Variants in KCNMB2 observed in about 807,000 individuals in gnomAD.
KCNMB2 encodes the protein calcium-activated potassium channel subunit beta-2.
KCNMB2 carries 9 observed loss-of-function variants against 24.5 expected under a neutral mutation model. The ratio of observed to expected loss-of-function variants is 0.37; its 90% CI spans 0.22 to 0.64. The LOEUF (loss-of-function observed/expected upper bound fraction) is 0.64, where lower values mean the gene tolerates loss of function less well. KCNMB2 is among the 30% of genes least tolerant of loss of function. KCNMB2 has a pLI of 0.63. For missense variants in KCNMB2, 226 were observed against 284.3 expected, an observed-to-expected ratio of 0.79 and a Z score of 1.47; for synonymous variants, 109 against 104.4, an observed-to-expected ratio of 1.04 and a Z score of -0.27.
At chr3:178,724,739 G>A (rs1435380522) in intron 1 of KCNMB2, among the ~76,000 whole-genome samples, 1 of 152,022 alleles carries the variant, frequency 6.6e-6, no homozygotes, top group African/African-American at 2.4e-5. Flanking sequence ...CAGTTTTCCA[G>A]CACCACTTAT....
intron 1 of KCNMB2, among the ~76,000 whole-genome samples, chr3:178,640,276 G>A (rs182911347): frequency 1.9e-4 from 29 of 152,126 alleles, no homozygotes; most frequent in Admixed American, 3.3e-4. Flanking sequence ...AGTTCCACAG[G>A]CTGTACAGGA....
intron 1 of KCNMB2, among the ~76,000 whole-genome samples, chr3:178,736,728 CTGAG>C (rs2108372803): frequency 6.6e-6 from 1 of 152,242 alleles, no homozygotes; most frequent in South Asian, 2.1e-4. Flanking sequence ...GTTGAAAAGT[CTGAG>C]TGAGAACTGA....
chr3:178,670,333 G>T (rs2108582067), intron 1 of KCNMB2, among the ~76,000 whole-genome samples: 1 of 152,106 alleles, frequency 6.6e-6, no homozygotes, highest in Middle Eastern at 3.4e-3. Flanking sequence ...ATTAACACCA[G>T]TCACGACAAT....
chr3:178,600,764 G>A (rs1330797084), intron 1 of KCNMB2, among the ~76,000 whole-genome samples: 6 of 152,108 alleles, frequency 3.9e-5, no homozygotes. Flanking sequence ...ATAAACATGC[G>A]TGCATGTGTC....
At chr3:178,825,509 T>G in intron 2 of KCNMB2, 79 bp from the exon 3 acceptor site, 1 of 1,254,090 alleles carries the variant, frequency 8.0e-7, no homozygotes. Context: ...TAGGAAGGCA[T>G]GGGCAGAAAC....
At chr3:178,839,240 C>G (rs1487936700) in intron 4 of KCNMB2, among the ~76,000 whole-genome samples, 1 of 150,510 alleles carries the variant, frequency 6.6e-6, no homozygotes, top group East Asian at 1.9e-4. Flanking sequence ...ATTTATAAAC[C>G]AAGGAAAATA....
intron 1 of KCNMB2, among the ~76,000 whole-genome samples, chr3:178,632,915 T>A (rs1719373186): frequency 6.6e-6 from 1 of 152,180 alleles, no homozygotes; most frequent in South Asian, 2.1e-4. Context: ...AATACACCCA[T>A]TCCAAATAGA....
At chr3:178,726,362 T>C (rs1722967896) in intron 1 of KCNMB2, among the ~76,000 whole-genome samples, 2 of 152,096 alleles carry the variant, frequency 1.3e-5, no homozygotes, top group Non-Finnish European at 1.5e-5. Flanking sequence ...GTGTTTACCA[T>C]TTCTGTTGGT....
intron 1 of KCNMB2, among the ~76,000 whole-genome samples, chr3:178,653,185 A>T (rs1000372188): frequency 2.0e-5 from 3 of 151,962 alleles, no homozygotes; most frequent in Admixed American, 2.0e-4. Context: ...GGTCCTATGG[A>T]TTCTTTGTTA....
chr3:178,721,777 A>G (rs1477090179), intron 1 of KCNMB2, among the ~76,000 whole-genome samples: 2 of 152,192 alleles, frequency 1.3e-5, no homozygotes, highest in Non-Finnish European at 2.9e-5. Flanking sequence ...CATTTTAATC[A>G]ATGTGTCATA....
chr3:178,737,716 C>T (rs1310676741), intron 1 of KCNMB2, among the ~76,000 whole-genome samples: 2 of 152,080 alleles, frequency 1.3e-5, no homozygotes, highest in Non-Finnish European at 2.9e-5. Flanking sequence ...GAAAAAAAGA[C>T]TATAATGGCT....
intron 1 of KCNMB2, among the ~76,000 whole-genome samples, chr3:178,748,803 G>C (rs1159959051): frequency 2.0e-5 from 3 of 152,170 alleles, no homozygotes; most frequent in Non-Finnish European, 4.4e-5. Flanking sequence ...TAACTATCCT[G>C]AGACTTTGTG....
chr3:178,579,528 A>G (rs1717120208), intron 1 of KCNMB2, among the ~76,000 whole-genome samples: 3 of 152,200 alleles, frequency 2.0e-5, no homozygotes, highest in African/African-American at 7.2e-5. Flanking sequence ...TCAGAGCAGA[A>G]CTGAAGGAGA....
intron 1 of KCNMB2, among the ~76,000 whole-genome samples, chr3:178,776,491 T>A (rs1712585310): frequency 6.6e-6 from 1 of 152,186 alleles, no homozygotes; most frequent in Non-Finnish European, 1.5e-5. Context: ...AATATGTAAA[T>A]ATGATCGAGT....
At chr3:178,698,427 G>A (rs1189999461) in intron 1 of KCNMB2, among the ~76,000 whole-genome samples, 3 of 152,106 alleles carry the variant, frequency 2.0e-5, no homozygotes, top group Admixed American at 2.0e-4. Flanking sequence ...GAATACTTGT[G>A]ATTGCATTAT....
At chr3:178,627,223 T>C (rs1011777145) in intron 1 of KCNMB2, among the ~76,000 whole-genome samples, 1 of 152,200 alleles carries the variant, frequency 6.6e-6, no homozygotes, top group Admixed American at 6.5e-5. Context: ...TCATTCATGA[T>C]TGGCCTTACA....
At chr3:178,802,293 A>G (rs571495258) in intron 1 of KCNMB2, among the ~76,000 whole-genome samples, 2 of 152,308 alleles carry the variant, frequency 1.3e-5, no homozygotes, top group South Asian at 4.1e-4. Context: ...GGTTAGGCAT[A>G]TAAGTATGTG....
intron 1 of KCNMB2, among the ~76,000 whole-genome samples, chr3:178,571,991 AC>A (rs1402521414): frequency 6.6e-6 from 1 of 152,238 alleles, no homozygotes; most frequent in African/African-American, 2.4e-5. Flanking sequence ...TGCAATAAAC[AC>A]ACGTGTGCAT....
intron 1 of KCNMB2, among the ~76,000 whole-genome samples, chr3:178,571,846 T>C (rs776473651): frequency 2.0e-5 from 3 of 152,248 alleles, no homozygotes; most frequent in Non-Finnish European, 2.9e-5. Context: ...TCCATGTCCC[T>C]GCAAAGGACA....
Sources: allele counts gnomAD v4.1 joint callset (sites outside exome capture counted in the v4.1 genomes callset), GRCh38; gene constraint gnomAD v4.1.1; transcripts MANE v1.5; gene names NCBI Gene and HGNC (gene_info 2026-07-23, HGNC 2026-07-21).